Variants in MYRIP observed in about 807,000 individuals in gnomAD.
MYRIP encodes the protein rab effector MyRIP.
In MYRIP, 49 loss-of-function variants were observed where a neutral mutation model predicts 98.0. The observed-to-expected ratio is 0.50, with a 90% confidence interval of 0.40 to 0.63. The LOEUF (loss-of-function observed/expected upper bound fraction) is 0.63, where lower values mean the gene tolerates loss of function less well. Among genes scored for constraint, MYRIP ranks in the 30% least tolerant of loss-of-function variants. The probability of loss-of-function intolerance (pLI) is 0.00; values close to 1 mark genes in which losing one functional copy is unlikely to be tolerated. For synonymous variants in MYRIP, 404 were observed against 409.5 expected, an observed-to-expected ratio of 0.99 and a Z score of 0.16; for missense variants, 1,004 against 1,058.2, an observed-to-expected ratio of 0.95 and a Z score of 0.71.
chr3:40,168,379 A>G (rs535870534), intron 7 of MYRIP, among the ~76,000 whole-genome samples: 117 of 152,346 alleles, frequency 7.7e-4, no homozygotes, highest in Non-Finnish European at 1.2e-3. Context: ...AGCCTATCGT[A>G]AATGTACTCA....
chr3:40,115,172 T>C (rs1264916414), intron 3 of MYRIP, among the ~76,000 whole-genome samples: 1 of 152,174 alleles, frequency 6.6e-6, no homozygotes, highest in Admixed American at 6.5e-5. Context: ...AGTGTGAAAT[T>C]GATCATCCAA....
chr3:39,871,886 C>T (rs1942799582), intron 1 of MYRIP, among the ~76,000 whole-genome samples: 1 of 151,840 alleles, frequency 6.6e-6, no homozygotes, highest in African/African-American at 2.4e-5. Context: ...GAGTACCAAG[C>T]ATTATATGTG....
At chr3:39,941,736 C>T (rs1944791019) in intron 2 of MYRIP, among the ~76,000 whole-genome samples, 1 of 151,844 alleles carries the variant, frequency 6.6e-6, no homozygotes, top group Admixed American at 6.6e-5. Flanking sequence ...TCTATTATTC[C>T]TTGATTGCTG....
chr3:40,256,839 T>C (rs561437950), intron 16 of MYRIP, among the ~76,000 whole-genome samples: 1 of 152,128 alleles, frequency 6.6e-6, no homozygotes, highest in Non-Finnish European at 1.5e-5. Context: ...AACTAAAAGA[T>C]TCATGTTGTG....
At chr3:40,136,478 GA>G (rs1949773534) in intron 3 of MYRIP, among the ~76,000 whole-genome samples, 1 of 152,164 alleles carries the variant, frequency 6.6e-6, no homozygotes, top group Non-Finnish European at 1.5e-5. Flanking sequence ...ACATCAGTGA[GA>G]CAGAAAGTTA....
intron 3 of MYRIP, among the ~76,000 whole-genome samples, chr3:40,083,429 C>A (rs1299305314): frequency 6.6e-6 from 1 of 152,152 alleles, no homozygotes; most frequent in Non-Finnish European, 1.5e-5. Flanking sequence ...ATTCTTCCTT[C>A]TTCCTTTTTC....
At chr3:40,119,815 T>C (rs1377948146) in intron 3 of MYRIP, among the ~76,000 whole-genome samples, 1 of 152,024 alleles carries the variant, frequency 6.6e-6, no homozygotes, top group Non-Finnish European at 1.5e-5. Flanking sequence ...TACCTAATGC[T>C]AAATGACGAG....
intron 3 of MYRIP, among the ~76,000 whole-genome samples, chr3:40,140,766 T>A (rs952393959): frequency 3.9e-5 from 6 of 152,212 alleles, no homozygotes; most frequent in African/African-American, 9.6e-5. Flanking sequence ...ATGTCTTTTT[T>A]AAAATTTTTT....
rs201499832 is a variant in MYRIP, at chr3:40,162,722, C to G, written c.470-8C>G. ...ATTCATTCTCTTCTCCCACCCCTACCCTGCCAGGAGGAAGCCTTTTTGAGT... is the reference window on the plus strand; with the variant it reads ...ATTCATTCTCTTCTCCCACCCCTACGCTGCCAGGAGGAAGCCTTTTTGAGT... On this transcript the variant is annotated splice_polypyrimidine_tract_variant and splice_region_variant and intron_variant, in intron 4 of 16. Coordinates refer to ENST00000302541, the MANE Select transcript of MYRIP (RefSeq NM_015460.4). 4.9e-5 allele frequency: 79 copies of G among 1,613,360 alleles called. No individual in the cohort carries two copies. In the East Asian group the frequency reaches 1.5e-3, roughly 30 times the overall value.
Position 39,996,775 on chromosome 3 carries a change from G to A in MYRIP, c.111-47275G>A, listed in dbSNP as rs1219142942. Among the ~76,000 whole-genome samples the A allele has an allele frequency of 1.1e-4, 16 of 152,026 alleles. No individual in the cohort carries two copies. In the East Asian group the frequency reaches 2.7e-3, roughly 26 times the overall value. ...ACACCTATTCCAAAATTGACCACAG[G>A]GTTGGAAGTAAAGCACTCCTCAGCA... On this transcript the variant is annotated intron_variant, in intron 2 of 16. Coordinates refer to ENST00000302541, the MANE Select transcript of MYRIP (RefSeq NM_015460.4).
intron 10 of MYRIP, among the ~76,000 whole-genome samples, chr3:40,200,188 T>G (rs1179542781): frequency 6.6e-6 from 1 of 150,924 alleles, no homozygotes; most frequent in African/African-American, 2.4e-5. Flanking sequence ...TCCAATCTTT[T>G]GGCTTCCCTG....
chr3:40,055,149 C>G (rs1947859245), intron 3 of MYRIP, among the ~76,000 whole-genome samples: 1 of 152,118 alleles, frequency 6.6e-6, no homozygotes, highest in African/African-American at 2.4e-5. Context: ...GTCTTGAGGC[C>G]TTTAGGCATT....
At chr3:40,237,466 T>C (rs1057217811) in intron 12 of MYRIP, among the ~76,000 whole-genome samples, 1 of 152,188 alleles carries the variant, frequency 6.6e-6, no homozygotes, top group Admixed American at 6.5e-5. Flanking sequence ...TATTAGGCGT[T>C]TGGGGCAGGG....
At chr3:39,912,645 A>G (rs886151720) in intron 2 of MYRIP, among the ~76,000 whole-genome samples, 7 of 152,246 alleles carry the variant, frequency 4.6e-5, no homozygotes, top group Admixed American at 3.9e-4. Context: ...ACCAAATGGT[A>G]GAGGATGGAG....
At chr3:40,003,870 G>C (rs1946575789) in intron 2 of MYRIP, among the ~76,000 whole-genome samples, 1 of 152,188 alleles carries the variant, frequency 6.6e-6, no homozygotes, top group Admixed American at 6.5e-5. Context: ...GTTTATACCT[G>C]AATAATTTGC....
chr3:40,165,756 T>TAAA (rs3063826), intron 5 of MYRIP, among the ~76,000 whole-genome samples: 2 of 144,110 alleles, frequency 1.4e-5, no homozygotes. Flanking sequence ...TGCCATATCT[T>TAAA]AAAAAAAAAA....
At chr3:39,880,614 C>T (rs1575337745) in intron 1 of MYRIP, among the ~76,000 whole-genome samples, 1 of 152,224 alleles carries the variant, frequency 6.6e-6, no homozygotes, top group African/African-American at 2.4e-5. Context: ...TTAGCTTCAA[C>T]AAGTTACTTG....
At chr3:39,991,343 T>C (rs1946171039) in intron 2 of MYRIP, among the ~76,000 whole-genome samples, 1 of 152,142 alleles carries the variant, frequency 6.6e-6, no homozygotes, top group Non-Finnish European at 1.5e-5. Context: ...CAACTTCTCA[T>C]TTCCAGAGAA....
intron 11 of MYRIP, among the ~76,000 whole-genome samples, chr3:40,224,053 G>A (rs1327549480): frequency 6.6e-6 from 1 of 152,128 alleles, no homozygotes; most frequent in Non-Finnish European, 1.5e-5. Flanking sequence ...CAAGTCCAAG[G>A]GACAGATAGA....
Sources: allele counts gnomAD v4.1 joint callset (sites outside exome capture counted in the v4.1 genomes callset), GRCh38; gene constraint gnomAD v4.1.1; transcripts MANE v1.5; gene names NCBI Gene and HGNC (gene_info 2026-07-23, HGNC 2026-07-21).